The following KLF13 variants were observed in gnomAD, a reference collection of about 807,000 sequenced individuals.
KLF13 encodes Krueppel-like factor 13.
In KLF13, 8 loss-of-function variants were observed where a neutral mutation model predicts 16.7. The ratio of observed to expected loss-of-function variants is 0.48; its 90% CI spans 0.28 to 0.87. KLF13 has a LOEUF of 0.87. KLF13 is among the 40% of genes least tolerant of loss of function. The pLI is 0.10. For missense variants in KLF13, 447 were observed against 452.2 expected, an observed-to-expected ratio of 0.99 and a Z score of 0.10; for synonymous variants, 245 against 208.4, an observed-to-expected ratio of 1.18 and a Z score of -1.51.
intron 1 of KLF13, among the ~76,000 whole-genome samples, chr15:31,412,835 A>G (rs1241487030): frequency 6.6e-6 from 1 of 152,232 alleles, no homozygotes; most frequent in Non-Finnish European, 1.5e-5. Context: ...TGCAAGTTGT[A>G]GTGAAAGGCA....
chr15:31,344,238 C>G (rs2039076777), intron 1 of KLF13, among the ~76,000 whole-genome samples: 1 of 152,244 alleles, frequency 6.6e-6, no homozygotes, highest in Non-Finnish European at 1.5e-5. Flanking sequence ...CCCAGATCCA[C>G]CCCTCCAGCC....
upstream of KLF13, among the ~76,000 whole-genome samples, chr15:31,388,559 G>A (rs1188168943): frequency 1.3e-4 from 19 of 150,228 alleles, no homozygotes; most frequent in African/African-American, 3.7e-4. Flanking sequence ...TGGAGGTTGC[G>A]GTGAGCCAAG....
At position 31,375,882 on chromosome 15, in the gene KLF13, C is replaced by G; in HGVS notation, c.*3583C>G. 1 of 152,282 alleles carries G rather than the reference C, an allele frequency of 6.6e-6. No individual in the cohort carries two copies. Among genetic ancestry groups the G allele is most frequent in the East Asian group, 1.9e-4 (1 of 5,192 alleles). 9.4% of individuals were successfully genotyped at this position (152,282 alleles called of 1,614,324 possible). Reference sequence around the variant, plus strand: ...CACCCACGACACTCGAGTGCAAGATCGCCTCACTCCTAACCCTGACTTTAT... The same window carrying G: ...CACCCACGACACTCGAGTGCAAGATGGCCTCACTCCTAACCCTGACTTTAT... On this transcript the variant is annotated 3_prime_UTR_variant, in exon 2 of 2. Transcript: ENST00000307145.
At chr15:31,328,130 C>A (rs961102443) in intron 1 of KLF13, among the ~76,000 whole-genome samples, 10 of 149,372 alleles carry the variant, frequency 6.7e-5, no homozygotes, top group African/African-American at 2.0e-4. Flanking sequence ...CAGGTGCGGG[C>A]GGCCTGGGTG....
Position 31,327,735 on chromosome 15 carries a change from G to A in KLF13, c.523G>A (p.Glu175Lys). Residue 175 changes from glutamate to lysine, a missense_variant, in exon 1 of 2, where the codon GAG becomes AAG. Glu to Lys is a moderately conservative substitution (Grantham distance 56). Around this residue, in one of 2 missense-constraint regions of KLF13, gnomAD observed 359 missense variants for 282.8 expected, o/e 1.27. Coordinates refer to ENST00000307145, the MANE Select transcript of KLF13 (RefSeq NM_015995.4). ...RKHKCHYAGCEKVYGKSSHLK... is the reference protein window; with the variant it reads ...RKHKCHYAGCKKVYGKSSHLK... ...GCACAAGTGCCACTACGCGGGCTGC[G>A]AGAAAGTTTACGGGAAATCTTCGCA... 1 of 1,537,484 alleles carries A rather than the reference G, an allele frequency of 6.5e-7. No homozygotes were observed. The highest frequency in any genetic ancestry group is 2.7e-5 in the East Asian group (1 of 37,672).
chr15:31,409,630 G>A (rs2040167747), downstream of KLF13, among the ~76,000 whole-genome samples: 1 of 152,092 alleles, frequency 6.6e-6, no homozygotes, highest in South Asian at 2.1e-4. Context: ...CCTGAAGACA[G>A]CCAGAGAAAA....
At position 31,327,054 on chromosome 15, in the gene KLF13, G is replaced by A; in HGVS notation, c.-159G>A. 1.4e-5 allele frequency: 8 copies of A among 572,800 alleles called. No individual in the cohort carries two copies. Among genetic ancestry groups the A allele is most frequent in the Non-Finnish European group, 1.9e-5 (8 of 431,542 alleles). 35.5% of individuals were successfully genotyped at this position (572,800 alleles called of 1,614,324 possible). ...GCCTCGCAGACGCGGAGCCGCGCGG[G>A]TGACGGCACAGGCGGCTGCGCGCCC... On this transcript the variant is annotated 5_prime_UTR_variant, in exon 1 of 2. The change creates a new upstream start codon in the 5' untranslated region. Coordinates refer to ENST00000307145, the MANE Select transcript of KLF13 (RefSeq NM_015995.4).
intron 1 of KLF13, among the ~76,000 whole-genome samples, chr15:31,341,312 G>A (rs528006796): frequency 8.5e-5 from 13 of 152,230 alleles, no homozygotes; most frequent in African/African-American, 3.1e-4. Context: ...TGTGGGTGAG[G>A]CACCCAGTAG....
chr15:31,423,351 G>A (rs2040367423), intron 1 of KLF13, among the ~76,000 whole-genome samples: 1 of 151,358 alleles, frequency 6.6e-6, no homozygotes, highest in African/African-American at 2.4e-5. Context: ...GATAACTTGG[G>A]CCGGGTGCTG....
At chr15:31,371,506 T>TG (rs2039554143) in intron 1 of KLF13, among the ~76,000 whole-genome samples, 1 of 152,252 alleles carries the variant, frequency 6.6e-6, no homozygotes, top group South Asian at 2.1e-4. Flanking sequence ...CCCTCTCATG[T>TG]GACAGACTAG....
chr15:31,355,066 A>G (rs1027003406), intron 1 of KLF13, among the ~76,000 whole-genome samples: 1 of 152,228 alleles, frequency 6.6e-6, no homozygotes, highest in African/African-American at 2.4e-5. Context: ...CCATCTCGCC[A>G]TCCCTCAGCC....
intron 1 of KLF13, among the ~76,000 whole-genome samples, chr15:31,425,834 G>T (rs1235374963): frequency 1.3e-5 from 2 of 152,086 alleles, no homozygotes; most frequent in Non-Finnish European, 2.9e-5. Context: ...CTGAGATCGC[G>T]CCACTGCACT....
At chr15:31,416,605 C>A (rs1194298506) in intron 1 of KLF13, among the ~76,000 whole-genome samples, 1 of 151,960 alleles carries the variant, frequency 6.6e-6, no homozygotes, top group Admixed American at 6.6e-5. Context: ...AAAACACTTA[C>A]CAAACTAAAA....
chr15:31,415,464 T>C (rs1165033420), intron 1 of KLF13, among the ~76,000 whole-genome samples: 1 of 152,128 alleles, frequency 6.6e-6, no homozygotes, highest in Non-Finnish European at 1.5e-5. Flanking sequence ...GGAATGAAAT[T>C]AGAAATTTAT....
intron 1 of KLF13, among the ~76,000 whole-genome samples, chr15:31,335,556 T>A (rs2038917226): frequency 6.6e-6 from 1 of 151,788 alleles, no homozygotes; most frequent in East Asian, 1.9e-4. Context: ...AGTCCCTGGT[T>A]TTTACCAACA....
intron 2 of KLF13, among the ~76,000 whole-genome samples, chr15:31,400,604 T>C (rs1443869127): frequency 6.6e-6 from 1 of 151,768 alleles, no homozygotes; most frequent in Non-Finnish European, 1.5e-5. Flanking sequence ...GGGGGTGAGG[T>C]GCCCTGCAGG....
At chr15:31,352,433 G>A (rs569862063) in intron 1 of KLF13, among the ~76,000 whole-genome samples, 1 of 152,372 alleles carries the variant, frequency 6.6e-6, no homozygotes, top group African/African-American at 2.4e-5. Flanking sequence ...TGTGAGCTCT[G>A]CCTGGCCCAG....
At chr15:31,329,763 G>C (rs1282198584) in intron 1 of KLF13, among the ~76,000 whole-genome samples, 4 of 152,354 alleles carry the variant, frequency 2.6e-5, no homozygotes, top group Admixed American at 1.3e-4. Flanking sequence ...TCTTGAAGCA[G>C]AGAAACTATT....
At chr15:31,390,302 C>G (rs897215484), upstream of KLF13, among the ~76,000 whole-genome samples, 19 of 152,310 alleles carry the variant, frequency 1.2e-4, no homozygotes, top group Middle Eastern at 0.017. Flanking sequence ...AATACATCCT[C>G]AAGTAACTAT....
Sources: allele counts gnomAD v4.1 joint callset (sites outside exome capture counted in the v4.1 genomes callset), GRCh38; gene constraint gnomAD v4.1.1; regional missense constraint gnomAD v4.1.1; transcripts MANE v1.5; gene names NCBI Gene and HGNC (gene_info 2026-07-23, HGNC 2026-07-21).